The following TMTC1 variants were observed in gnomAD, a reference collection of about 807,000 sequenced individuals.
TMTC1 encodes transmembrane O-mannosyltransferase targeting cadherins 1.
A neutral mutation model predicts 104.8 loss-of-function variants in TMTC1; 73 were observed. The observed-to-expected ratio is 0.70, with a 90% CI of 0.58 to 0.85. The LOEUF (loss-of-function observed/expected upper bound fraction) is 0.85. Ranked by LOEUF, TMTC1 falls within the 40% of genes least tolerant of loss-of-function variation. TMTC1 has a pLI of 0.00. For synonymous variants in TMTC1, 434 were observed against 428.7 expected, an observed-to-expected ratio of 1.01 and a Z score of -0.15; for missense variants, 1,035 against 1,096.1, an observed-to-expected ratio of 0.94 and a Z score of 0.79.
Position 29,512,100 on chromosome 12 carries a change from T to C in TMTC1, c.2451A>G (p.Gln817=), listed in dbSNP as rs780910356. The part of the protein sequence containing the change: ...KAFESYRVAV[Q]LNPDQAQAWM... ...AGGCCTGTGCTTGGTCTGGGTTTAG[T>C]TGCACAGCCACTCTATAGCTCTAAA... The change falls in exon 17 of 18, where the codon CAA becomes CAG. Residue 817 remains glutamine, a synonymous_variant. Coordinates refer to ENST00000539277, the MANE Select transcript of TMTC1 (RefSeq NM_001193451.2). 6.2e-7 allele frequency: 1 copy of C among 1,613,962 alleles called. No homozygotes were observed. The highest frequency in any genetic ancestry group is 8.5e-7 in the Non-Finnish European group (1 of 1,179,930).
chr12:29,603,226 G>A (rs1315408924), intron 7 of TMTC1, among the ~76,000 whole-genome samples: 2 of 151,994 alleles, frequency 1.3e-5, no homozygotes, highest in African/African-American at 4.8e-5. Flanking sequence ...AAGCTATTAG[G>A]TATTTGGTTT....
rs1448590091 is a variant in TMTC1 at position 29,715,987 on chromosome 12, G to GTATTATTATTATCAT, written c.938+35678_938+35679insATGATAATAATAATA. Among the ~76,000 whole-genome samples the GTATTATTATTATCAT allele has an allele frequency of 2.7e-3, 355 of 130,162 alleles. 3 individuals carry two copies. Among genetic ancestry groups the GTATTATTATTATCAT allele is most frequent in the African/African-American group, 7.7e-3 (258 of 33,666 alleles). The allele number at this position is 130,162 out of a possible 152,430, so 85.4% of individuals were successfully genotyped here. A position where few individuals can be genotyped will look rare whatever the true frequency, so the allele number is the denominator to read the frequency against. Reference sequence around the variant, plus strand: ...TTGGATTGGGACACAGCCAAACTCAGTATTATTATTATTATTATTATTATT... The same window carrying GTATTATTATTATCAT: ...TTGGATTGGGACACAGCCAAACTCAGTATTATTATTATCATTATTATTATTATTATTATTATTATT... On this transcript the variant is annotated intron_variant, in intron 5 of 17. Transcript: ENST00000539277.
chr12:29,749,855 A>G (rs1565812217), intron 5 of TMTC1, among the ~76,000 whole-genome samples: 2 of 151,864 alleles, frequency 1.3e-5, no homozygotes, highest in Non-Finnish European at 2.9e-5. Context: ...AGCGAGTCCT[A>G]TTGGGTCTGT....
chr12:29,635,668 A>G (rs550318475), intron 5 of TMTC1, among the ~76,000 whole-genome samples: 29 of 152,306 alleles, frequency 1.9e-4, no homozygotes, highest in Non-Finnish European at 2.6e-4. Context: ...CATGCCTATG[A>G]GGTCAAAAGA....
intron 11 of TMTC1, among the ~76,000 whole-genome samples, chr12:29,532,258 G>A (rs767593527): frequency 2.8e-4 from 43 of 152,038 alleles, no homozygotes; most frequent in Admixed American, 3.3e-4. Context: ...GTACACTGCT[G>A]GTGGCAGAGT....
intron 11 of TMTC1, chr12:29,532,483 T>C (rs1332930008): frequency 6.6e-6 from 1 of 152,126 alleles, no homozygotes; most frequent in African/African-American, 2.4e-5. Flanking sequence ...TAACCATATA[T>C]TACAGCAAAT....
chr12:29,638,231 G>C (rs1938653423), intron 5 of TMTC1, among the ~76,000 whole-genome samples: 1 of 152,068 alleles, frequency 6.6e-6, no homozygotes, highest in Admixed American at 6.5e-5. Context: ...ATAAAACCCT[G>C]AGACCCTAGC....
chr12:29,632,359 C>G (rs61922200), intron 6 of TMTC1, among the ~76,000 whole-genome samples: 8,770 of 152,242 alleles, frequency 0.058, 343 homozygotes, highest in Admixed American at 0.085. Context: ...TGGTAGTTCC[C>G]ATAATCCCCA....
intron 10 of TMTC1, among the ~76,000 whole-genome samples, chr12:29,555,470 C>T (rs1489191548): frequency 6.6e-6 from 1 of 151,978 alleles, no homozygotes; most frequent in East Asian, 1.9e-4. Context: ...GCTATCCCTC[C>T]TCTTGCCCCC....
At chr12:29,728,415 G>T (rs564041445) in intron 5 of TMTC1, among the ~76,000 whole-genome samples, 1 of 152,212 alleles carries the variant, frequency 6.6e-6, no homozygotes, top group Non-Finnish European at 1.5e-5. Context: ...AAAGCAAACT[G>T]CCCACATGTG....
chr12:29,598,824 G>T (rs1946479475), intron 7 of TMTC1, among the ~76,000 whole-genome samples: 1 of 152,140 alleles, frequency 6.6e-6, no homozygotes, highest in African/African-American at 2.4e-5. Context: ...CTGTTTTTCA[G>T]TGGAGTTTTC....
chr12:29,563,984 C>G (rs299487), intron 9 of TMTC1, among the ~76,000 whole-genome samples: 1 of 151,696 alleles, frequency 6.6e-6, no homozygotes, highest in Non-Finnish European at 1.5e-5. Context: ...CCAGGAGAGA[C>G]GATGCTTTAC....
At chr12:29,547,471 A>T in intron 10 of TMTC1, among the ~76,000 whole-genome samples, 1 of 152,348 alleles carries the variant, frequency 6.6e-6, no homozygotes, top group Admixed American at 6.5e-5. Flanking sequence ...ACAACTGCCA[A>T]ATCTTGAGTA....
At chr12:29,696,021 C>T (rs1941414216) in intron 5 of TMTC1, among the ~76,000 whole-genome samples, 1 of 151,746 alleles carries the variant, frequency 6.6e-6, no homozygotes, top group African/African-American at 2.4e-5. Context: ...AGTTATTTTC[C>T]ACGACTCCTA....
chr12:29,572,046 T>C (rs1157545899), intron 9 of TMTC1, 59 bp downstream of exon 9: 15 of 1,358,342 alleles, frequency 1.1e-5, no homozygotes, highest in Non-Finnish European at 1.6e-5. Context: ...GAGGGCCAAG[T>C]GAAATAAACA....
At chr12:29,780,768 C>T (rs186592807) in intron 1 of TMTC1, among the ~76,000 whole-genome samples, 1 of 152,166 alleles carries the variant, frequency 6.6e-6, no homozygotes, top group East Asian at 1.9e-4. Context: ...CAGGATGTTA[C>T]CATTGGGGGA....
intron 4 of TMTC1, among the ~76,000 whole-genome samples, chr12:29,754,196 G>C (rs1028694402): frequency 7.8e-6 from 1 of 127,618 alleles, no homozygotes; most frequent in Non-Finnish European, 1.7e-5. Context: ...AAAAAAAAAA[G>C]ACCCAGACTG....
At chr12:29,551,558 AC>A (rs1945104562) in intron 10 of TMTC1, among the ~76,000 whole-genome samples, 1 of 152,210 alleles carries the variant, frequency 6.6e-6, no homozygotes, top group Admixed American at 6.5e-5. Context: ...TATTATGTGA[AC>A]AAAAGGTAGT....
chr12:29,514,431 A>G, intron 16 of TMTC1, 51 bp downstream of exon 16: 1 of 1,559,568 alleles, frequency 6.4e-7, no homozygotes. Flanking sequence ...TCAAAAGACA[A>G]TTAATTTTAA....
Sources: allele counts gnomAD v4.1 joint callset (sites outside exome capture counted in the v4.1 genomes callset), GRCh38; gene constraint gnomAD v4.1.1; transcripts MANE v1.5; gene names NCBI Gene and HGNC (gene_info 2026-07-23, HGNC 2026-07-21).